SLC35F3: variants seen among roughly 807,000 people sequenced by gnomAD.
The protein encoded by SLC35F3 is solute carrier family 35 member F3, also known as putative thiamine transporter SLC35F3.
Under a neutral mutation model 49.9 loss-of-function variants are expected in SLC35F3, and 25 were observed. The observed-to-expected ratio is 0.50, with a 90% confidence interval of 0.37 to 0.70. The LOEUF (loss-of-function observed/expected upper bound fraction) is 0.70, where lower values mean the gene tolerates loss of function less well. Ranked by LOEUF, SLC35F3 falls within the 30% of genes least tolerant of loss-of-function variation. The pLI, the probability that SLC35F3 is intolerant of heterozygous loss-of-function variation, is 0.00. For missense variants in SLC35F3, 525 were observed against 639.8 expected (o/e 0.82, Z 1.94); for synonymous variants, 275 against 265.4 (o/e 1.04, Z -0.35).
At chr1:233,990,722 T>C (rs1319685405) in intron 2 of SLC35F3, among the ~76,000 whole-genome samples, 5 of 152,190 alleles carry the variant, frequency 3.3e-5, no homozygotes, top group Non-Finnish European at 5.9e-5. Flanking sequence ...AAACATTACA[T>C]TGCATACCTT....
chr1:234,088,086 C>G (rs1308637594), intron 2 of SLC35F3, among the ~76,000 whole-genome samples: 1 of 152,196 alleles, frequency 6.6e-6, no homozygotes, highest in Non-Finnish European at 1.5e-5. Flanking sequence ...CAGGGGATTT[C>G]TCTCTTCTGT....
At chr1:234,162,526 C>T (rs931972831) in intron 2 of SLC35F3, among the ~76,000 whole-genome samples, 3 of 151,870 alleles carry the variant, frequency 2.0e-5, no homozygotes, top group African/African-American at 7.3e-5. Context: ...TGTGACAGGG[C>T]AGGACTGGGT....
At chr1:233,966,407 C>G (rs1459422468) in intron 2 of SLC35F3, among the ~76,000 whole-genome samples, 1 of 152,102 alleles carries the variant, frequency 6.6e-6, no homozygotes, top group African/African-American at 2.4e-5. Context: ...GAGGCCCCAT[C>G]TGGATGAGTA....
intron 2 of SLC35F3, among the ~76,000 whole-genome samples, chr1:233,945,700 C>T (rs1662502587): frequency 6.6e-6 from 1 of 152,176 alleles, no homozygotes; most frequent in Non-Finnish European, 1.5e-5. Context: ...CCATACTGTT[C>T]TTGTGGTAAT....
At chr1:233,908,926 G>C (rs1301746849) in intron 2 of SLC35F3, among the ~76,000 whole-genome samples, 2 of 151,936 alleles carry the variant, frequency 1.3e-5, no homozygotes, top group Non-Finnish European at 2.9e-5. Flanking sequence ...CACAATCTCA[G>C]CTCACTGCAA....
At chr1:234,293,046 G>A (rs686182) in intron 3 of SLC35F3, among the ~76,000 whole-genome samples, 46,392 of 152,010 alleles carry the variant, frequency 0.31, 7,381 homozygotes, top group African/African-American at 0.38. Context: ...CTCATTATCC[G>A]GTTCCCAAAA....
intron 2 of SLC35F3, among the ~76,000 whole-genome samples, chr1:234,018,952 A>G (rs1663849945): frequency 6.6e-6 from 1 of 152,318 alleles, no homozygotes; most frequent in Non-Finnish European, 1.5e-5. Context: ...TATGACTTGC[A>G]TTGATAATTC....
intron 2 of SLC35F3, among the ~76,000 whole-genome samples, chr1:233,969,170 A>G (rs1028424393): frequency 1.3e-5 from 2 of 152,080 alleles, no homozygotes; most frequent in African/African-American, 4.8e-5. Context: ...TCTCATCTTC[A>G]GTTTTCAGAC....
chr1:234,129,653 T>A (rs778026426), intron 2 of SLC35F3, among the ~76,000 whole-genome samples: 1 of 152,152 alleles, frequency 6.6e-6, no homozygotes, highest in African/African-American at 2.4e-5. Context: ...GATAACTACA[T>A]TACCAGATTC....
chr1:234,307,958 T>TC (rs1264334481), intron 3 of SLC35F3, among the ~76,000 whole-genome samples: 1 of 152,194 alleles, frequency 6.6e-6, no homozygotes, highest in Non-Finnish European at 1.5e-5. Context: ...CTCCTCTACT[T>TC]CCTTCTTCTG....
At chr1:234,041,221 A>G (rs946773383) in intron 2 of SLC35F3, among the ~76,000 whole-genome samples, 1 of 152,156 alleles carries the variant, frequency 6.6e-6, no homozygotes. Flanking sequence ...GGCTTAACAC[A>G]TTAAGTGTTT....
At position 233,970,578 on chromosome 1, in the gene SLC35F3, A is replaced by C. The variant is rs553572601; in HGVS notation, c.283+64820A>C. Among the ~76,000 whole-genome samples, 576 of 152,306 alleles carry C rather than the reference A, an allele frequency of 3.8e-3. 1 individual carries two copies. Among genetic ancestry groups the C allele is most frequent in the Non-Finnish European group, 6.1e-3 (413 of 68,018 alleles). On this transcript the variant is annotated intron_variant, in intron 2 of 7. Transcript: ENST00000366618. ...ACTTGCTGAAGTCCTAACCCCTAGT[A>C]TCTCCGAACATGGCTATATTTGAAG...
At chr1:234,117,196 C>T (rs1402867496) in intron 2 of SLC35F3, among the ~76,000 whole-genome samples, 1 of 152,122 alleles carries the variant, frequency 6.6e-6, no homozygotes, top group Non-Finnish European at 1.5e-5. Context: ...TGGGCCTACC[C>T]CTGCTGACAC....
chr1:234,051,302 T>A (rs1276728110), intron 2 of SLC35F3, among the ~76,000 whole-genome samples: 1 of 152,214 alleles, frequency 6.6e-6, no homozygotes, highest in East Asian at 1.9e-4. Flanking sequence ...GTTTGTGTCC[T>A]CTTTTATTTC....
At chr1:234,319,072 T>A in intron 6 of SLC35F3, 129 bp downstream of exon 6, 1 of 771,240 alleles carries the variant, frequency 1.3e-6, no homozygotes, top group Non-Finnish European at 2.1e-6. Flanking sequence ...GTTTTTAAGA[T>A]CTTTCTGTTT....
chr1:234,179,176 G>A (rs1276545782), intron 2 of SLC35F3, among the ~76,000 whole-genome samples: 1 of 152,134 alleles, frequency 6.6e-6, no homozygotes, highest in African/African-American at 2.4e-5. Context: ...TCAGACCTGA[G>A]TAGAATAGAA....
chr1:234,267,464 A>G (rs1357588083), intron 3 of SLC35F3, among the ~76,000 whole-genome samples: 392 of 119,420 alleles, frequency 3.3e-3, no homozygotes, highest in African/African-American at 6.4e-3. Flanking sequence ...GCCGGGCAGA[A>G]GCGCCCCTCA....
At chr1:234,216,840 A>G (rs1016730617) in intron 2 of SLC35F3, among the ~76,000 whole-genome samples, 2 of 152,166 alleles carry the variant, frequency 1.3e-5, no homozygotes, top group Non-Finnish European at 2.9e-5. Context: ...ATGCCTGGCA[A>G]GCCCCCAGTT....
intron 2 of SLC35F3, among the ~76,000 whole-genome samples, chr1:234,068,410 G>A (rs1047609686): frequency 1.3e-5 from 2 of 152,138 alleles, no homozygotes; most frequent in African/African-American, 4.8e-5. Flanking sequence ...AGTTAGCCCT[G>A]ACTCTCATCT....
Sources: allele counts gnomAD v4.1 joint callset (sites outside exome capture counted in the v4.1 genomes callset), GRCh38; gene constraint gnomAD v4.1.1; transcripts MANE v1.5; gene names NCBI Gene and HGNC (gene_info 2026-07-23, HGNC 2026-07-21).